SETD5: variants seen among roughly 807,000 people sequenced by gnomAD.
SETD5 encodes histone-lysine N-methyltransferase SETD5.
A neutral mutation model predicts 153.3 loss-of-function variants in SETD5; 44 were observed. That is an observed-to-expected ratio of 0.29 (90% confidence interval 0.23 to 0.37). SETD5 has a LOEUF of 0.37. SETD5 is among the 10% of genes least tolerant of loss of function. SETD5 has a pLI of 1.00. For missense variants in SETD5, 1,544 were observed against 1,768.0 expected, an observed-to-expected ratio of 0.87 and a Z score of 2.27; for synonymous variants, 716 against 645.2, an observed-to-expected ratio of 1.11 and a Z score of -1.66.
chr3:9,402,485 G>C (rs1273880805), intron 1 of SETD5, among the ~76,000 whole-genome samples: 1 of 152,082 alleles, frequency 6.6e-6, no homozygotes, highest in East Asian at 1.9e-4. Flanking sequence ...ATGAAGACAG[G>C]GAAAGGAATT....
At chr3:9,443,754 G>A (rs1450998349) in intron 11 of SETD5, among the ~76,000 whole-genome samples, 1 of 152,194 alleles carries the variant, frequency 6.6e-6, no homozygotes, top group Non-Finnish European at 1.5e-5. Context: ...GAGTACTTAT[G>A]TCAGGGACCA....
Position 9,435,755 on chromosome 3 carries a change from G to T in SETD5, c.416G>T (p.Trp139Leu). The T allele has an allele frequency of 1.2e-6, 2 of 1,600,720 alleles. No individual in the cohort carries two copies. The highest frequency in any genetic ancestry group is 2.2e-5 in the East Asian group (1 of 44,508). ...GGGGATAGCAGTGCAACAGAAAGCTGGGATGAGGAGCTTTCTCCTTCCACT... is the reference window on the plus strand; with the variant it reads ...GGGGATAGCAGTGCAACAGAAAGCTTGGATGAGGAGCTTTCTCCTTCCACT... ...SGGDSSATES[W>L]DEELSPSTVL... The change falls in exon 7 of 23, where the codon TGG becomes TTG. Residue 139 changes from tryptophan (W) to leucine (L), a missense_variant. Trp to Leu is a moderately conservative substitution (Grantham distance 61). Around this residue, in one of 9 missense-constraint regions of SETD5, gnomAD observed 251 missense variants for 326.9 expected, o/e 0.77. Transcript: ENST00000402198.
At position 9,448,430 on chromosome 3, in the gene SETD5, G is replaced by C. The variant is rs764818533; in HGVS notation, c.2146G>C (p.Glu716Gln). 6.2e-7 allele frequency: 1 copy of C among 1,613,994 alleles called. No homozygotes were observed. The highest frequency in any genetic ancestry group is 1.7e-5 in the Admixed American group (1 of 60,020). Residue 716 changes from glutamate to glutamine, a missense_variant, in exon 16 of 23, where the codon GAG becomes CAG. Physicochemically the swap from Glu to Gln is conservative, Grantham distance 29 (BLOSUM62 2). This residue lies in a region of SETD5 where 782 missense variants were observed against 787.2 expected (regional missense o/e 0.99). Transcript: ENST00000402198. ...EWLNDKAEKQ[E>Q]CPVECPLRIT... ...GTTGAATGACAAAGCAGAGAAGCAAGAGTGCCCTGTTGAGTGCCCTTTACG... is the reference window on the plus strand; with the variant it reads ...GTTGAATGACAAAGCAGAGAAGCAACAGTGCCCTGTTGAGTGCCCTTTACG...
chr3:9,402,391 G>A (rs2034927619), intron 1 of SETD5, among the ~76,000 whole-genome samples: 1 of 152,064 alleles, frequency 6.6e-6, no homozygotes, highest in Non-Finnish European at 1.5e-5. Context: ...TGCCTCATTC[G>A]TTTATACCAT....
At chr3:9,408,719 G>C (rs1186689335) in intron 1 of SETD5, among the ~76,000 whole-genome samples, 2 of 152,038 alleles carry the variant, frequency 1.3e-5, no homozygotes, top group Admixed American at 6.6e-5. Flanking sequence ...ATTTCTGCTT[G>C]TCTGTGTAAT....
At chr3:9,403,795 A>G (rs2035218180) in intron 1 of SETD5, among the ~76,000 whole-genome samples, 1 of 152,210 alleles carries the variant, frequency 6.6e-6, no homozygotes, top group African/African-American at 2.4e-5. Flanking sequence ...GGTCCTTTAA[A>G]CCAAAATCAT....
In SETD5 at chr3:9,453,815, T is replaced by G. The variant is rs766575113; in HGVS notation, c.2423T>G (p.Leu808Arg). The change falls in exon 17 of 23, where the codon CTA (leucine) becomes CGA (arginine). Residue 808 changes from leucine (L) to arginine (R), a missense_variant. Coordinates refer to ENST00000402198, the MANE Select transcript of SETD5 (RefSeq NM_001080517.3). ...SVPQETRTQHLYQSNENSSSS... is the reference protein window; with the variant it reads ...SVPQETRTQHRYQSNENSSSS... Reference sequence around the variant, plus strand: ...CCCCAAGAGACTAGAACTCAGCACCTATACCAAAGCAATGAGAATAGTAGC... The same window carrying G: ...CCCCAAGAGACTAGAACTCAGCACCGATACCAAAGCAATGAGAATAGTAGC... 6.2e-7 allele frequency: 1 copy of G among 1,607,266 alleles called. No homozygotes were observed. Among genetic ancestry groups the G allele is most frequent in the Non-Finnish European group, 8.5e-7 (1 of 1,178,024 alleles).
rs2042191690 is a variant in SETD5, at chr3:9,447,820, G to A, written c.1917G>A (p.Gln639=). The A allele has an allele frequency of 1.2e-6, 2 of 1,613,884 alleles. No individual in the cohort carries two copies. Among genetic ancestry groups the A allele is most frequent in the South Asian group, 2.2e-5 (2 of 91,086 alleles). ...RLKRQKQANA[Q]QAELSQAALE... ...AGCGTCAGAAGCAGGCCAATGCACA[G>A]CAGGCAGAATTGTCACAAGCTGCCT... The change falls in exon 15 of 23, where the codon CAG becomes CAA. Residue 639 remains glutamine, a synonymous_variant. Coordinates refer to ENST00000402198, the MANE Select transcript of SETD5 (RefSeq NM_001080517.3).
intron 1 of SETD5, among the ~76,000 whole-genome samples, chr3:9,403,705 G>A (rs1341267699): frequency 6.6e-6 from 1 of 152,020 alleles, no homozygotes; most frequent in Non-Finnish European, 1.5e-5. Flanking sequence ...TGTTCAGCTC[G>A]CATACAAGTG....
Position 9,474,560 on chromosome 3 carries a change from T to C in SETD5, c.3609T>C (p.Ser1203=), listed in dbSNP as rs758540595. 6.2e-7 allele frequency: 1 copy of C among 1,613,338 alleles called. No homozygotes were observed. Among genetic ancestry groups the C allele is most frequent in the Non-Finnish European group, 8.5e-7 (1 of 1,179,780 alleles). The stretch of plus-strand genomic sequence containing the variant: ...GAGAGCCCTCTCCCACATGGGAGAG[T>C]AACATCACAGAGAAAGACTCAGGTG... The part of the protein sequence containing the change: ...QKGEPSPTWE[S]NITEKDSDPA... The change falls in exon 21 of 23, where the codon AGT becomes AGC. Residue 1203 remains serine, a synonymous_variant. Coordinates refer to ENST00000402198, the MANE Select transcript of SETD5 (RefSeq NM_001080517.3).
At chr3:9,435,106 G>A (rs1199880658) in intron 6 of SETD5, among the ~76,000 whole-genome samples, 1 of 152,066 alleles carries the variant, frequency 6.6e-6, no homozygotes, top group Non-Finnish European at 1.5e-5. Flanking sequence ...AGCCAGGTGT[G>A]GTGGCGCATG....
At chr3:9,418,803 C>CA (rs111449253) in intron 1 of SETD5, among the ~76,000 whole-genome samples, 7,579 of 136,204 alleles carry the variant, frequency 0.056, 215 homozygotes, top group Middle Eastern at 0.086. Context: ...AACTCCGTCT[C>CA]AAAAAAAAAA....
intron 16 of SETD5, among the ~76,000 whole-genome samples, chr3:9,452,659 ATTTTT>A (rs1164278885): frequency 0.097 from 5,858 of 60,188 alleles, 224 homozygotes; most frequent in African/African-American, 0.19. Flanking sequence ...ATGATGTAAG[ATTTTT>A]TTTTTTTTTT....
chr3:9,429,920 A>G (rs1268792153), intron 3 of SETD5: 8 of 1,303,114 alleles, frequency 6.1e-6, no homozygotes, highest in Admixed American at 4.6e-5. Context: ...CCTAGGGGGC[A>G]GCACACCCCC....
In SETD5 at chr3:9,432,228, CAG is replaced by C. The variant is rs368053089; in HGVS notation, c.72-1613_72-1612del. The C allele has an allele frequency of 1.6e-4, 148 of 947,910 alleles. 1 individual carries two copies. The East Asian group carries it at 0.011, about 71-fold the overall frequency. The allele number at this position is 947,910 out of a possible 1,614,324, so 58.7% of individuals were successfully genotyped here. On this transcript the variant is annotated intron_variant, in intron 3 of 22. Transcript: ENST00000402198. Reference sequence around the variant, plus strand: ...TAATAAAATGCATGCACCTCACTAACAGAGAATACTTTCCTCTGTCTAAAGTT... The same window carrying C: ...TAATAAAATGCATGCACCTCACTAACAGAATACTTTCCTCTGTCTAAAGTT...
At chr3:9,442,042 C>T in intron 9 of SETD5, 86 bp from the exon 10 acceptor site, 1 of 899,702 alleles carries the variant, frequency 1.1e-6, no homozygotes, top group Admixed American at 2.1e-5. Flanking sequence ...GCTGCTGCTT[C>T]TCTCAGCATA....
intron 18 of SETD5, among the ~76,000 whole-genome samples, chr3:9,469,371 T>C (rs2045029366): frequency 6.6e-6 from 1 of 152,228 alleles, no homozygotes; most frequent in Admixed American, 6.5e-5. Context: ...CATGGGACCT[T>C]TTTTCTCTTG....
chr3:9,453,868 G>A lies in SETD5; in HGVS notation c.2476G>A (p.Asp826Asn), dbSNP rs2042915542. The change falls in exon 17 of 23, where the codon GAC (aspartate) becomes AAC (asparagine). Residue 826 changes from aspartate (D) to asparagine (N), a missense_variant and splice_region_variant. By Grantham distance (23) the Asp-to-Asn change is conservative. Transcript: ENST00000402198. ...TTCTAGTATCTGCAAAGACAATGCAGGTACGTATCTAAAACCTTTCTGATT... is the reference window on the plus strand; with the variant it reads ...TTCTAGTATCTGCAAAGACAATGCAAGTACGTATCTAAAACCTTTCTGATT... ...SSSSICKDNA[D>N]LLSPLKKWKS... 3 of 1,564,552 alleles carry A rather than the reference G, an allele frequency of 1.9e-6. No individual in the cohort carries two copies. In the South Asian group the frequency reaches 3.6e-5, roughly 19 times the overall value.
At chr3:9,407,344 A>G (rs980041359) in intron 1 of SETD5, among the ~76,000 whole-genome samples, 3 of 152,166 alleles carry the variant, frequency 2.0e-5, no homozygotes, top group Non-Finnish European at 4.4e-5. Flanking sequence ...ATAAAAAATA[A>G]AGAAGTTACT....
Sources: gnomAD v4.1 joint callset for allele counts (sites outside exome capture counted in the v4.1 genomes callset) on GRCh38, gnomAD v4.1.1 for gene constraint, gnomAD v4.1.1 regional missense constraint, MANE v1.5 for transcripts, NCBI Gene and HGNC (gene_info 2026-07-23, HGNC 2026-07-21) for gene names.